The following ADAM15 variants were observed in gnomAD, a reference collection of about 807,000 sequenced individuals.
The protein encoded by ADAM15 is ADAM metallopeptidase domain 15.
ADAM15 carries 77 observed loss-of-function variants against 113.8 expected under a neutral mutation model. The ratio of observed to expected loss-of-function variants is 0.68; its 90% CI spans 0.56 to 0.82. The LOEUF (loss-of-function observed/expected upper bound fraction) is 0.82. Ranked by LOEUF, ADAM15 falls within the 40% of genes least tolerant of loss-of-function variation. ADAM15 has a pLI of 0.00. For missense variants in ADAM15, 963 were observed against 1,120.1 expected (o/e 0.86, Z 2.00); for synonymous variants, 388 against 454.1 (o/e 0.85, Z 1.85).
chr1:155,058,681 TG>T lies in ADAM15; in HGVS notation c.1918-28del, dbSNP rs1257111157. 2.5e-6 allele frequency: 4 copies of T among 1,606,804 alleles called. No individual in the cohort carries two copies. Among genetic ancestry groups the T allele is most frequent in the Non-Finnish European group, 3.4e-6 (4 of 1,176,490 alleles). ...GTCCCATTAAAGCTTTGTGGGAATC[TG>T]ATCCAGGCTCTTCTCTCCCTGGGTC... On this transcript the variant is annotated intron_variant, in intron 15 of 22. Coordinates refer to ENST00000356955, the MANE Select transcript of ADAM15 (RefSeq NM_207197.3). This position sits in a 1 kb window ranked among gnomAD's most constrained non-coding sequence, Gnocchi z 4.3.
intron 1 of ADAM15, chr1:155,052,311 TCA>T: frequency 1.7e-6 from 1 of 594,402 alleles, no homozygotes; most frequent in Non-Finnish European, 2.9e-6. Flanking sequence ...AAGGCTTAGC[TCA>T]GTCTCGAGAG....
Position 155,062,597 on chromosome 1 carries a change from A to G in ADAM15, c.*95A>G. 6.7e-7 allele frequency: 1 copy of G among 1,503,720 alleles called. No homozygotes were observed. Among genetic ancestry groups the G allele is most frequent in the South Asian group, 1.2e-5 (1 of 84,088 alleles). 93.1% of individuals were successfully genotyped at this position (1,503,720 alleles called of 1,614,324 possible). ...CCCCTACCATGACTGAAGGCGCCAG[A>G]GACTGGCGGTGTCTTAAGACTCCGG... is the stretch of plus-strand genomic sequence containing the variant. On this transcript the variant is annotated 3_prime_UTR_variant, in exon 23 of 23. Transcript: ENST00000356955. This position sits in a 1 kb window ranked among gnomAD's most constrained non-coding sequence, Gnocchi z 7.0.
rs143147672 is a variant in ADAM15, at chr1:155,060,802, G to T, written c.2247G>T (p.Pro749=). 2,265 of 1,612,942 alleles carry T rather than the reference G, an allele frequency of 1.4e-3. 5 individuals are homozygous for T. The highest frequency in any genetic ancestry group is 1.8e-3 in the Non-Finnish European group (2,103 of 1,179,990). ...GTCCCTCTGAACGGCCAGGACCTCC[G>T]CAGAGGGCCCTGCTGGCACGAGGCA... ...QSGPSERPGP[P]QRALLARGTK... The change falls in exon 19 of 23, where the codon CCG becomes CCT. Residue 749 remains proline, a synonymous_variant. Coordinates refer to ENST00000356955, the MANE Select transcript of ADAM15 (RefSeq NM_207197.3).
intron 3 of ADAM15, 82 bp from the exon 4 acceptor site, chr1:155,053,827 CA>C: frequency 6.6e-7 from 1 of 1,522,578 alleles, no homozygotes; most frequent in South Asian, 1.2e-5. Flanking sequence ...TCCCCAGCCC[CA>C]CAACCACCTT....
Position 155,051,427 on chromosome 1 carries a change from C to T in ADAM15, c.41C>T (p.Ala14Val). The stretch of plus-strand genomic sequence containing the variant: ...CTCTGGGCCCTGGGGCTCCTGGGCG[C>T]GGGCAGCCCTCTGCCTTCCTGGCCG... ...ALLWALGLLG[A>V]GSPLPSWPLP... Residue 14 changes from alanine (A) to valine (V), a missense_variant, in exon 1 of 23, where the codon GCG (alanine) becomes GTG (valine). Ala to Val is a moderately conservative substitution (Grantham distance 64). Transcript: ENST00000356955. The T allele has an allele frequency of 1.3e-6, 2 of 1,566,872 alleles. No homozygotes were observed. The highest frequency in any genetic ancestry group is 1.7e-6 in the Non-Finnish European group (2 of 1,161,830).
intron 19 of ADAM15, 46 bp downstream of exon 19, chr1:155,060,878 A>AAG: frequency 6.4e-7 from 1 of 1,567,882 alleles, no homozygotes. Context: ...TTGGCCGGGC[A>AAG]TCCAGCTTGG....
intron 16 of ADAM15, 28 bp from the exon 17 acceptor site, chr1:155,059,874 T>A: frequency 6.2e-7 from 1 of 1,609,898 alleles, no homozygotes; most frequent in Non-Finnish European, 8.5e-7. Context: ...AGTGCAGAGC[T>A]CCTCATTGCT....
chr1:155,057,383 C>G lies in ADAM15; in HGVS notation c.1323+21C>G. The G allele has an allele frequency of 6.2e-7, 1 of 1,613,590 alleles. No individual in the cohort carries two copies. Among genetic ancestry groups the G allele is most frequent in the South Asian group, 1.1e-5 (1 of 91,074 alleles). ...TGGATGTGAGCCCCTTTCCCAAAGC[C>G]TCGCCCCACTCACTTCTGTACCCTC... On this transcript the variant is annotated intron_variant, in intron 12 of 22. Transcript: ENST00000356955. This position sits in a 1 kb window ranked among gnomAD's most constrained non-coding sequence, Gnocchi z 5.0.
In ADAM15 at chr1:155,051,437, T is replaced by A. The variant is rs748065272; in HGVS notation, c.51T>A (p.Pro17=). The A allele has an allele frequency of 3.3e-5, 52 of 1,567,940 alleles. No individual in the cohort carries two copies. The highest frequency in any genetic ancestry group is 4.4e-5 in the Non-Finnish European group (51 of 1,162,344). ...WALGLLGAGS[P]LPSWPLPNIG... ...TGGGGCTCCTGGGCGCGGGCAGCCC[T>A]CTGCCTTCCTGGCCGCTCCCAAATA... The change falls in exon 1 of 23, where the codon CCT becomes CCA. Residue 17 remains proline, a synonymous_variant. Transcript: ENST00000356955.
At chr1:155,055,614 C>G (rs1661648652) in intron 6 of ADAM15, 176 bp from the exon 7 acceptor site, 7 of 649,222 alleles carry the variant, frequency 1.1e-5, no homozygotes, top group Non-Finnish European at 1.7e-5. Flanking sequence ...TATCTACTTC[C>G]TGGTCCTCCT....
chr1:155,059,773 C>T lies in ADAM15; in HGVS notation c.1996-129C>T, dbSNP rs991255696. 4 of 958,670 alleles carry T rather than the reference C, an allele frequency of 4.2e-6. No individual in the cohort carries two copies. The African/African-American group carries it at 6.5e-5, about 16-fold the overall frequency. 59.4% of individuals were successfully genotyped at this position (958,670 alleles called of 1,614,324 possible). A position where few individuals can be genotyped will look rare whatever the true frequency, so the allele number is the denominator to read the frequency against. ...GCTCTGGTATGGATAAAGACCCTCC[C>T]TCCGGGCTGTCTCTACACACATACC... On this transcript the variant is annotated intron_variant, in intron 16 of 22. Transcript: ENST00000356955.
intron 1 of ADAM15, 192 bp downstream of exon 1, chr1:155,051,657 A>C: frequency 2.1e-6 from 1 of 486,272 alleles, no homozygotes; most frequent in Non-Finnish European, 3.5e-6. Context: ...AGGAGGGGGG[A>C]TGCCGGCGCC....
In ADAM15 at chr1:155,056,283, C is replaced by T. The variant is rs1230576091; in HGVS notation, c.914+34C>T. 1.2e-6 allele frequency: 2 copies of T among 1,612,472 alleles called. No individual in the cohort carries two copies. The highest frequency in any genetic ancestry group is 1.7e-6 in the Non-Finnish European group (2 of 1,179,170). ...CCCAGACTCAGCCAGAGAGGCCAGTCCTGTCCTGGCCAAATTCACACCCCT... is the reference window on the plus strand; with the variant it reads ...CCCAGACTCAGCCAGAGAGGCCAGTTCTGTCCTGGCCAAATTCACACCCCT... On this transcript the variant is annotated intron_variant, in intron 9 of 22. Transcript: ENST00000356955. This position sits in a 1 kb window ranked among gnomAD's most constrained non-coding sequence, Gnocchi z 4.0.
rs754014322 is a variant in ADAM15 at position 155,061,905 on chromosome 1, C to T, written c.2354C>T (p.Ala785Val). The stretch of plus-strand genomic sequence containing the variant: ...GCCACTGCCCCTCTCTCTGTTCAGG[C>T]TGAGCTGGCTGACCGACCCAATCCC... ...PPDPVSKRLQ[A>V]ELADRPNPPT... The change falls in exon 21 of 23, where the codon GCT (alanine) becomes GTT (valine). Residue 785 changes from alanine (A) to valine (V), a missense_variant and splice_region_variant. By Grantham distance (64) the Ala-to-Val change is moderately conservative (BLOSUM62 0). Transcript: ENST00000356955. 2.0e-6 allele frequency: 3 copies of T among 1,531,380 alleles called. No individual in the cohort carries two copies. Among genetic ancestry groups the T allele is most frequent in the South Asian group, 1.3e-5 (1 of 79,754 alleles). The allele number at this position is 1,531,380 out of a possible 1,614,324, so 94.9% of individuals were successfully genotyped here. A position where few individuals can be genotyped will look rare whatever the true frequency, so the allele number is the denominator to read the frequency against.
At chr1:155,060,064 C>A in intron 17 of ADAM15, 90 bp downstream of exon 17, 1 of 1,578,672 alleles carries the variant, frequency 6.3e-7, no homozygotes, top group South Asian at 1.1e-5. Context: ...TCTGACCCCC[C>A]TTTGCTGCTG....
rs993906289 is a variant in ADAM15 at position 155,051,354 on chromosome 1, T to C, written c.-33T>C. The C allele has an allele frequency of 1.4e-6, 2 of 1,475,840 alleles. No individual in the cohort carries two copies. The highest frequency in any genetic ancestry group is 1.8e-6 in the Non-Finnish European group (2 of 1,115,368). The allele number at this position is 1,475,840 out of a possible 1,614,324, so 91.4% of individuals were successfully genotyped here. ...GCTCCTCCGCGCGCTGTTCCGCACT[T>C]GCTGCCCTCGCCCGGCCCGGAGCGC... On this transcript the variant is annotated 5_prime_UTR_variant, in exon 1 of 23. Coordinates refer to ENST00000356955, the MANE Select transcript of ADAM15 (RefSeq NM_207197.3).
rs1661931733 is a variant in ADAM15, at chr1:155,057,504, A to G, written c.1324-133A>G. 1 of 1,483,950 alleles carries G rather than the reference A, an allele frequency of 6.7e-7. No homozygotes were observed. The highest frequency in any genetic ancestry group is 9.3e-7 in the Non-Finnish European group (1 of 1,080,306). 91.9% of individuals were successfully genotyped at this position (1,483,950 alleles called of 1,614,324 possible). A position where few individuals can be genotyped will look rare whatever the true frequency, so the allele number is the denominator to read the frequency against. On this transcript the variant is annotated intron_variant, in intron 12 of 22. Transcript: ENST00000356955. The surrounding 1 kb of genome is among the most constrained non-coding windows in gnomAD (Gnocchi z 5.0). ...TACTTGCCCTGTCTGTGGGGACAGC[A>G]CATGGGTTGTTGGGCTCTAGCCCTC...
intron 18 of ADAM15, 150 bp from the exon 19 acceptor site, chr1:155,060,613 A>C: frequency 1.1e-6 from 1 of 940,948 alleles, no homozygotes; most frequent in Non-Finnish European, 1.6e-6. Flanking sequence ...TCAAGCTAAT[A>C]AATACTGCCC....
In ADAM15 at chr1:155,057,393, TC is replaced by T; in HGVS notation, c.1323+32del. The T allele has an allele frequency of 6.2e-7, 1 of 1,613,106 alleles. No individual in the cohort carries two copies. The highest frequency in any genetic ancestry group is 8.5e-7 in the Non-Finnish European group (1 of 1,179,364). ...CCCCTTTCCCAAAGCCTCGCCCCAC[TC>T]ACTTCTGTACCCTCACCCTGGCTCA... is the stretch of plus-strand genomic sequence containing the variant. On this transcript the variant is annotated intron_variant, in intron 12 of 22. Transcript: ENST00000356955. The surrounding 1 kb of genome is among the most constrained non-coding windows in gnomAD (Gnocchi z 5.0).
Sources: allele counts gnomAD v4.1 joint callset, GRCh38; gene constraint gnomAD v4.1.1; non-coding constraint Gnocchi (gnomAD v3.1); transcripts MANE v1.5; gene names NCBI Gene and HGNC (gene_info 2026-07-23, HGNC 2026-07-21).